SLC7A14: variants seen among roughly 807,000 people sequenced by gnomAD.
SLC7A14 encodes gamma-aminobutyric acid transporter SLC7A14.
In SLC7A14, 37 loss-of-function variants were observed where a neutral mutation model predicts 60.2. The observed-to-expected ratio is 0.61, with a 90% CI of 0.47 to 0.81. SLC7A14 has a LOEUF of 0.81. Among genes scored for constraint, SLC7A14 ranks in the 30% least tolerant of loss-of-function variants. The pLI, the probability that SLC7A14 is intolerant of heterozygous loss-of-function variation, is 0.00. For missense variants in SLC7A14, 886 were observed against 982.7 expected, an observed-to-expected ratio of 0.90 and a Z score of 1.32; for synonymous variants, 399 against 395.8, an observed-to-expected ratio of 1.01 and a Z score of -0.10.
chr3:170,491,420 G>A (rs1260718521), intron 4 of SLC7A14, among the ~76,000 whole-genome samples: 1 of 152,116 alleles, frequency 6.6e-6, no homozygotes, highest in East Asian at 1.9e-4. Context: ...TCAAAGGCAG[G>A]ACATGTGGAG....
chr3:170,538,083 G>T (rs185429624), intron 1 of SLC7A14, among the ~76,000 whole-genome samples: 24 of 152,240 alleles, frequency 1.6e-4, no homozygotes, highest in African/African-American at 5.3e-4. Flanking sequence ...TCTCCTAAAT[G>T]AACTTGTTCA....
At chr3:170,571,091 C>G (rs1714942510) in intron 1 of SLC7A14, among the ~76,000 whole-genome samples, 2 of 152,204 alleles carry the variant, frequency 1.3e-5, no homozygotes. Context: ...CTCTCTTAAA[C>G]TAAACAAAAT....
chr3:170,486,882 A>G (rs973170297), intron 4 of SLC7A14, among the ~76,000 whole-genome samples: 12 of 151,652 alleles, frequency 7.9e-5, no homozygotes, highest in Admixed American at 2.0e-4. Context: ...AAAAAAAAAA[A>G]AAAAAAATGC....
chr3:170,503,078 A>G (rs1055585747), intron 2 of SLC7A14: 2 of 152,152 alleles, frequency 1.3e-5, no homozygotes, highest in African/African-American at 4.8e-5. Context: ...TATTATGGAG[A>G]TGCTGTCAGG....
At chr3:170,556,872 C>T (rs149504276) in intron 1 of SLC7A14, among the ~76,000 whole-genome samples, 186 of 152,294 alleles carry the variant, frequency 1.2e-3, no homozygotes, top group Middle Eastern at 6.8e-3. Flanking sequence ...TCAAGATCTA[C>T]GTTATTCTCA....
At chr3:170,505,887 CAA>C (rs199647740) in intron 2 of SLC7A14, among the ~76,000 whole-genome samples, 1 of 132,062 alleles carries the variant, frequency 7.6e-6, no homozygotes, top group African/African-American at 2.8e-5. Context: ...GACTCTGTTT[CAA>C]AAAAAAAAAA....
At chr3:170,521,916 A>G (rs1430143249) in intron 2 of SLC7A14, among the ~76,000 whole-genome samples, 1 of 151,980 alleles carries the variant, frequency 6.6e-6, no homozygotes, top group Non-Finnish European at 1.5e-5. Context: ...GCAAGACTCC[A>G]TCTCAAAAAA....
chr3:170,576,456 G>A (rs990155449), intron 1 of SLC7A14, among the ~76,000 whole-genome samples: 2 of 152,202 alleles, frequency 1.3e-5, no homozygotes, highest in Non-Finnish European at 2.9e-5. Flanking sequence ...CCCCTGCAGA[G>A]GTTGGAGGAG....
chr3:170,548,848 C>T (rs1451767538), intron 1 of SLC7A14, among the ~76,000 whole-genome samples: 10 of 152,090 alleles, frequency 6.6e-5, no homozygotes, highest in Non-Finnish European at 1.3e-4. Flanking sequence ...GCACTCTGCA[C>T]TTTTCCTTTG....
intron 4 of SLC7A14, chr3:170,496,516 G>C: frequency 1.3e-6 from 2 of 1,537,760 alleles, no homozygotes. Context: ...GCCCTGCAGC[G>C]GGCCAAGCAG....
At chr3:170,579,832 A>G (rs544743533) in intron 1 of SLC7A14, among the ~76,000 whole-genome samples, 35 of 152,378 alleles carry the variant, frequency 2.3e-4, no homozygotes, top group African/African-American at 6.3e-4. Context: ...AGAGTGGAAA[A>G]GAACACACAA....
rs1739625270 is a variant in SLC7A14 at position 170,462,339 on chromosome 3, G to A, written c.*4716C>T. 1 of 152,150 alleles carries A rather than the reference G, an allele frequency of 6.6e-6. No homozygotes were observed. The highest frequency in any genetic ancestry group is 1.5e-5 in the Non-Finnish European group (1 of 68,026). 9.4% of individuals were successfully genotyped at this position (152,150 alleles called of 1,614,324 possible). ...TGGATGTCTAACAAATGTTGGATTTGTCTTCCAATAAAAGAAAGGATGTCA... is the reference window on the plus strand; with the variant it reads ...TGGATGTCTAACAAATGTTGGATTTATCTTCCAATAAAAGAAAGGATGTCA... On this transcript the variant is annotated 3_prime_UTR_variant, in exon 8 of 8. Coordinates refer to ENST00000231706, the MANE Select transcript of SLC7A14 (RefSeq NM_020949.3).
intron 1 of SLC7A14, among the ~76,000 whole-genome samples, chr3:170,530,191 G>A (rs1384749446): frequency 6.6e-6 from 1 of 152,194 alleles, no homozygotes; most frequent in Admixed American, 6.5e-5. Flanking sequence ...GGGTGATAAA[G>A]GGGTGGGAAG....
rs571696789 is a variant in SLC7A14, at chr3:170,585,673, G to C, written c.-153+238C>G. On this transcript the variant is annotated intron_variant, in intron 1 of 7. Coordinates refer to ENST00000231706, the MANE Select transcript of SLC7A14 (RefSeq NM_020949.3). This position sits in a 1 kb window ranked among gnomAD's most constrained non-coding sequence, Gnocchi z 5.1. ...CGGTGCCCCCAGACCGCGGGCAGTC[G>C]GGGCCTCATTCCGGGCCAGAGCAGG... Among the ~76,000 whole-genome samples the C allele has an allele frequency of 2.0e-5, 3 of 152,226 alleles. No individual in the cohort carries two copies. The highest frequency in any genetic ancestry group is 2.1e-4 in the South Asian group (1 of 4,820).
chr3:170,523,409 A>G (rs1713396807), intron 2 of SLC7A14, among the ~76,000 whole-genome samples: 1 of 152,160 alleles, frequency 6.6e-6, no homozygotes, highest in South Asian at 2.1e-4. Context: ...CTGATTGACA[A>G]TTCCAATTTC....
At chr3:170,543,517 C>T (rs112067197) in intron 1 of SLC7A14, among the ~76,000 whole-genome samples, 476 of 151,684 alleles carry the variant, frequency 3.1e-3, no homozygotes, top group Non-Finnish European at 5.1e-3. Context: ...GGAGTGGTGG[C>T]GCATGCTTGT....
chr3:170,570,574 A>G (rs1016652750), intron 1 of SLC7A14: 14 of 152,188 alleles, frequency 9.2e-5, no homozygotes, highest in African/African-American at 3.1e-4. Context: ...CTTAATGATG[A>G]TATCTCTTGT....
chr3:170,495,559 G>A (rs1477262151), intron 4 of SLC7A14: 12 of 758,606 alleles, frequency 1.6e-5, no homozygotes, highest in Admixed American at 1.3e-4. Context: ...AGCCTCTCCC[G>A]AGTGAGCAGC....
At chr3:170,514,223 G>T (rs140751486) in intron 2 of SLC7A14, among the ~76,000 whole-genome samples, 60 of 152,350 alleles carry the variant, frequency 3.9e-4, no homozygotes, top group Non-Finnish European at 6.5e-4. Flanking sequence ...CACATGCAAA[G>T]CTCCTGAGCT....
Sources: allele counts gnomAD v4.1 joint callset (sites outside exome capture counted in the v4.1 genomes callset), GRCh38; gene constraint gnomAD v4.1.1; non-coding constraint Gnocchi (gnomAD v3.1); transcripts MANE v1.5; gene names NCBI Gene and HGNC (gene_info 2026-07-23, HGNC 2026-07-21).